The following STX8 variants were observed in gnomAD, a reference collection of about 807,000 sequenced individuals.
STX8 encodes syntaxin-8.
Under a neutral mutation model 37.5 loss-of-function variants are expected in STX8, and 23 were observed. The observed-to-expected ratio is 0.61, with a 90% CI of 0.44 to 0.87. The LOEUF is 0.87. Among genes scored for constraint, STX8 ranks in the 40% least tolerant of loss-of-function variants. The pLI, the probability that STX8 is intolerant of heterozygous loss-of-function variation, is 0.00. For synonymous variants in STX8, 115 were observed against 99.1 expected (o/e 1.16, Z -0.95); for missense variants, 313 against 284.7 (o/e 1.10, Z -0.71).
Position 9,449,597 on chromosome 17 carries a change from C to G in STX8, c.541+42232G>C, listed in dbSNP as rs1225023326. Among the ~76,000 whole-genome samples the G allele has an allele frequency of 3.3e-5, 5 of 152,070 alleles. No homozygotes were observed. The East Asian group carries it at 5.8e-4, about 18-fold the overall frequency. ...AACAAACAAACAAATTGTGGTACAG[C>G]TAGACAATAAGCTATTCCACCACAA... On this transcript the variant is annotated intron_variant, in intron 6 of 7. Coordinates refer to ENST00000306357, the MANE Select transcript of STX8 (RefSeq NM_004853.3).
intron 1 of STX8, among the ~76,000 whole-genome samples, 188 bp downstream of exon 1, chr17:9,575,604 C>T (rs998538076): frequency 6.6e-6 from 1 of 152,184 alleles, no homozygotes; most frequent in Non-Finnish European, 1.5e-5. Context: ...GTCTCCTTCC[C>T]GGGCCACCCT....
At chr17:9,411,475 G>A (rs1409427858) in intron 6 of STX8, among the ~76,000 whole-genome samples, 1 of 152,194 alleles carries the variant, frequency 6.6e-6, no homozygotes, top group African/African-American at 2.4e-5. Context: ...GAAAAACACA[G>A]TCCATAGCTT....
At chr17:9,528,443 G>A (rs772143764) in intron 4 of STX8, among the ~76,000 whole-genome samples, 11 of 152,238 alleles carry the variant, frequency 7.2e-5, no homozygotes, top group Admixed American at 1.3e-4. Context: ...GATTACAGGC[G>A]CGTGCCACCA....
At chr17:9,491,755 C>G in intron 6 of STX8, 74 bp downstream of exon 6, 1 of 1,279,714 alleles carries the variant, frequency 7.8e-7, no homozygotes. Flanking sequence ...TAATCTTAAA[C>G]TCATTCAACA....
intron 7 of STX8, among the ~76,000 whole-genome samples, chr17:9,313,462 C>T (rs146753736): frequency 1.9e-3 from 292 of 152,310 alleles, no homozygotes; most frequent in Non-Finnish European, 3.4e-3. Context: ...CAGGACAGTT[C>T]CTACAGAAAT....
intron 7 of STX8, among the ~76,000 whole-genome samples, chr17:9,298,989 G>A (rs1773991648): frequency 6.6e-6 from 1 of 152,178 alleles, no homozygotes; most frequent in Admixed American, 6.5e-5. Flanking sequence ...TTAGCCAGAT[G>A]CACTCACCTT....
intron 4 of STX8, among the ~76,000 whole-genome samples, chr17:9,509,221 C>G (rs561259420): frequency 5.9e-5 from 9 of 152,260 alleles, no homozygotes; most frequent in African/African-American, 2.2e-4. Flanking sequence ...TGCACTCCAG[C>G]CTGGGCAACA....
intron 7 of STX8, among the ~76,000 whole-genome samples, chr17:9,283,658 G>C (rs1049149308): frequency 6.6e-6 from 1 of 152,192 alleles, no homozygotes; most frequent in African/African-American, 2.4e-5. Flanking sequence ...GCAATGGATA[G>C]AACGACATTC....
Position 9,507,690 on chromosome 17 carries a change from C to T in STX8, c.324-2528G>A, listed in dbSNP as rs1035716133. Among the ~76,000 whole-genome samples the T allele has an allele frequency of 6.6e-6, 1 of 152,220 alleles. No homozygotes were observed. The highest frequency in any genetic ancestry group is 1.5e-5 in the Non-Finnish European group (1 of 68,046). On this transcript the variant is annotated intron_variant, in intron 4 of 7. Coordinates refer to ENST00000306357, the MANE Select transcript of STX8 (RefSeq NM_004853.3). The surrounding 1 kb of genome is among the most constrained non-coding windows in gnomAD (Gnocchi z 4.0). ...GTGAGACCCCAAGTTGGACAACCCA[C>T]CATGTGAACGCATGCATCGCTGACC...
intron 6 of STX8, among the ~76,000 whole-genome samples, chr17:9,408,633 C>T (rs972664242): frequency 1.1e-4 from 16 of 152,192 alleles, no homozygotes; most frequent in African/African-American, 3.1e-4. Flanking sequence ...TACATCCTTT[C>T]ACTCACCAGG....
chr17:9,348,008 G>A (rs889005064), intron 7 of STX8, among the ~76,000 whole-genome samples: 8 of 152,046 alleles, frequency 5.3e-5, no homozygotes, highest in Admixed American at 1.3e-4. Flanking sequence ...CCATTGTATG[G>A]TGTGTGTGAA....
intron 7 of STX8, among the ~76,000 whole-genome samples, chr17:9,329,540 T>C (rs570087848): frequency 1.3e-5 from 2 of 152,282 alleles, no homozygotes; most frequent in African/African-American, 2.4e-5. Flanking sequence ...GACCCAATTA[T>C]GAAGAATCCC....
chr17:9,274,984 C>G (rs918621769), intron 7 of STX8, among the ~76,000 whole-genome samples: 1 of 151,888 alleles, frequency 6.6e-6, no homozygotes, highest in African/African-American at 2.4e-5. Context: ...CTCCTGACCT[C>G]AAGTAATCCG....
rs535614412 is a variant in STX8, at chr17:9,453,000, TTCA to T, written c.541+38826_541+38828del. Among the ~76,000 whole-genome samples the T allele has an allele frequency of 1.5e-3, 224 of 152,206 alleles. 1 individual carries two copies. The highest frequency in any genetic ancestry group is 3.3e-3 in the South Asian group (16 of 4,810). On this transcript the variant is annotated intron_variant, in intron 6 of 7. Transcript: ENST00000306357. ...TTTGTATTTTTAGTAGAGACGGGGT[TTCA>T]TCATGTTGGCCAAGCTGGTCTTGAA...
At chr17:9,466,336 T>C (rs1905612097) in intron 6 of STX8, among the ~76,000 whole-genome samples, 1 of 152,136 alleles carries the variant, frequency 6.6e-6, no homozygotes, top group Non-Finnish European at 1.5e-5. Flanking sequence ...AGCTTGTAAA[T>C]TAGATGGAAG....
intron 3 of STX8, among the ~76,000 whole-genome samples, chr17:9,549,688 T>A (rs1712733061): frequency 6.6e-6 from 1 of 152,202 alleles, no homozygotes; most frequent in Non-Finnish European, 1.5e-5. Context: ...TGTTTTATAT[T>A]TTAATCTACG....
chr17:9,327,105 C>A (rs913342620), intron 7 of STX8, among the ~76,000 whole-genome samples: 19 of 149,956 alleles, frequency 1.3e-4, no homozygotes, highest in Non-Finnish European at 1.3e-4. Flanking sequence ...TGCAGTGAGC[C>A]GAGATCACGC....
chr17:9,296,694 A>T (rs1208262033), intron 7 of STX8, among the ~76,000 whole-genome samples: 1 of 151,934 alleles, frequency 6.6e-6, no homozygotes, highest in African/African-American at 2.4e-5. Flanking sequence ...ATGAAGGATT[A>T]GCTGGATTAG....
chr17:9,375,444 G>T (rs1337661431), intron 7 of STX8, among the ~76,000 whole-genome samples: 1 of 152,160 alleles, frequency 6.6e-6, no homozygotes, highest in Non-Finnish European at 1.5e-5. Flanking sequence ...TTCATGAGTG[G>T]CATGTGCTGA....
Sources: allele counts gnomAD v4.1 joint callset (sites outside exome capture counted in the v4.1 genomes callset), GRCh38; gene constraint gnomAD v4.1.1; non-coding constraint Gnocchi (gnomAD v3.1); transcripts MANE v1.5; gene names NCBI Gene and HGNC (gene_info 2026-07-23, HGNC 2026-07-21).